The following ADAM10 variants were observed in gnomAD, a reference collection of about 807,000 sequenced individuals.
The protein encoded by ADAM10 is disintegrin and metalloproteinase domain-containing protein 10.
In ADAM10, 17 loss-of-function variants were observed where a neutral mutation model predicts 90.1. That is an observed-to-expected ratio of 0.19 (90% CI 0.13 to 0.28). ADAM10 has a LOEUF of 0.28. Ranked by LOEUF, ADAM10 falls within the 10% of genes least tolerant of loss-of-function variation. The pLI is 1.00. For missense variants in ADAM10, 610 were observed against 914.3 expected (o/e 0.67, Z 4.29); for synonymous variants, 310 against 298.6 (o/e 1.04, Z -0.40).
intron 8 of ADAM10, among the ~76,000 whole-genome samples, chr15:58,636,917 C>T (rs916278600): frequency 3.9e-5 from 6 of 152,150 alleles, no homozygotes; most frequent in African/African-American, 1.4e-4. Flanking sequence ...AATGTGAGAG[C>T]ACAGGCATTT....
At chr15:58,651,714 C>T (rs1354175879) in intron 5 of ADAM10, among the ~76,000 whole-genome samples, 1 of 152,150 alleles carries the variant, frequency 6.6e-6, no homozygotes, top group Non-Finnish European at 1.5e-5. Context: ...AGTGCAGCAA[C>T]AAACATGGGA....
chr15:58,647,248 A>ATTTCTTTCTTTTTTTTTTTT (rs1162350060), intron 5 of ADAM10, among the ~76,000 whole-genome samples: 1 of 59,602 alleles, frequency 1.7e-5, no homozygotes, highest in African/African-American at 5.4e-5. Context: ...GACACTAAGT[A>ATTTCTTTCTTTTTTTTTTTT]TTTTTTTTTT....
In ADAM10 at chr15:58,604,543, C is replaced by T. The variant is rs533762822; in HGVS notation, c.2026-4819G>A. On this transcript the variant is annotated intron_variant, in intron 14 of 15. Transcript: ENST00000260408. ...TTATATCCTATTACCTCAGTACCTACCCAACAAACAAAATACCTGTTGAAC... is the reference window on the plus strand; with the variant it reads ...TTATATCCTATTACCTCAGTACCTATCCAACAAACAAAATACCTGTTGAAC... Among the ~76,000 whole-genome samples, 477 of 152,228 alleles carry T rather than the reference C, an allele frequency of 3.1e-3. 1 individual carries two copies. Among genetic ancestry groups the T allele is most frequent in the Non-Finnish European group, 5.3e-3 (362 of 68,014 alleles).
chr15:58,730,003 CA>C (rs71844307), intron 1 of ADAM10, among the ~76,000 whole-genome samples: 8,566 of 106,422 alleles, frequency 0.08, 497 homozygotes, highest in African/African-American at 0.14. Flanking sequence ...AACAAACAAA[CA>C]AAAAAAAAAA....
At chr15:58,606,496 T>C (rs1895277993) in intron 14 of ADAM10, among the ~76,000 whole-genome samples, 1 of 152,238 alleles carries the variant, frequency 6.6e-6, no homozygotes, top group Non-Finnish European at 1.5e-5. Context: ...ATCTAGCAAA[T>C]GTATACTGTG....
intron 10 of ADAM10, 148 bp from the exon 11 acceptor site, chr15:58,621,769 G>T: frequency 1.0e-6 from 1 of 1,002,324 alleles, no homozygotes; most frequent in Non-Finnish European, 1.5e-6. Context: ...GAAATTACGA[G>T]ACCTAATTCT....
At chr15:58,721,173 C>T (rs573452818) in intron 1 of ADAM10, among the ~76,000 whole-genome samples, 6 of 152,304 alleles carry the variant, frequency 3.9e-5, no homozygotes, top group African/African-American at 1.2e-4. Context: ...ACAAAGTCAT[C>T]TTTTCTCTGT....
intron 2 of ADAM10, among the ~76,000 whole-genome samples, chr15:58,701,939 C>G (rs1189554488): frequency 1.3e-5 from 2 of 152,028 alleles, no homozygotes; most frequent in African/African-American, 4.8e-5. Flanking sequence ...AACCCCATCT[C>G]TACCAAAAAT....
intron 2 of ADAM10, among the ~76,000 whole-genome samples, chr15:58,689,214 G>A (rs780694726): frequency 4.6e-5 from 7 of 152,176 alleles, no homozygotes; most frequent in Non-Finnish European, 1.0e-4. Context: ...GGCCGGGCGT[G>A]GTGGCTCACG....
At chr15:58,605,071 A>G (rs1321501777) in intron 14 of ADAM10, among the ~76,000 whole-genome samples, 5 of 152,214 alleles carry the variant, frequency 3.3e-5, no homozygotes, top group African/African-American at 1.2e-4. Flanking sequence ...ATACGAGTAC[A>G]CGCTATGGCA....
rs1164086189 is a variant in ADAM10, at chr15:58,650,011, C to T, written c.586-3807G>A. ...GTTTGCTCTATTTTCTTATACTATC[C>T]AAATCTAAATCCATCAAATTCCTAA... On this transcript the variant is annotated intron_variant, in intron 5 of 15. Transcript: ENST00000260408. Among the ~76,000 whole-genome samples the T allele has an allele frequency of 3.3e-5, 5 of 152,044 alleles. No individual in the cohort carries two copies. In the East Asian group the frequency reaches 9.6e-4, roughly 29 times the overall value.
intron 11 of ADAM10, among the ~76,000 whole-genome samples, chr15:58,621,123 T>C (rs368755595): frequency 6.6e-6 from 1 of 150,710 alleles, no homozygotes; most frequent in East Asian, 2.0e-4. Flanking sequence ...ATTAGCTGGG[T>C]GTGGTAGCAC....
intron 14 of ADAM10, among the ~76,000 whole-genome samples, chr15:58,600,083 T>C (rs1429568508): frequency 1.3e-5 from 2 of 151,416 alleles, no homozygotes; most frequent in Non-Finnish European, 2.9e-5. Context: ...TATTAAATAT[T>C]TTCTGGTTTA....
Position 58,633,390 on chromosome 15 carries a change from G to GT in ADAM10, c.1013-32dup, listed in dbSNP as rs199936329. 2.2e-3 allele frequency: 3,510 copies of GT among 1,597,806 alleles called. 58 individuals are homozygous for GT. The African/African-American group carries it at 0.037, about 17-fold the overall frequency. ...CCAGAACAAAAAAATGGCTAAATTA[G>GT]TATCTGTTTCCCCTTACCCCCAAAA... On this transcript the variant is annotated intron_variant, in intron 8 of 15. Transcript: ENST00000260408.
intron 14 of ADAM10, chr15:58,609,593 A>T (rs1895380266): frequency 6.5e-6 from 1 of 153,570 alleles, no homozygotes; most frequent in Non-Finnish European, 1.4e-5. Context: ...TTTCCAAAGC[A>T]AACTACATTC....
intron 2 of ADAM10, among the ~76,000 whole-genome samples, chr15:58,715,046 T>A (rs1324420949): frequency 6.6e-6 from 1 of 152,114 alleles, no homozygotes; most frequent in African/African-American, 2.4e-5. Context: ...ATTGGGAAAA[T>A]AAACTAAAAT....
chr15:58,723,031 CA>C (rs1898909922), intron 1 of ADAM10, among the ~76,000 whole-genome samples: 1 of 151,468 alleles, frequency 6.6e-6, no homozygotes, highest in Admixed American at 6.6e-5. Flanking sequence ...CATACCCAGC[CA>C]AATCAGAGGA....
chr15:58,691,391 T>G (rs776456464), intron 2 of ADAM10: 2 of 776,554 alleles, frequency 2.6e-6, no homozygotes, highest in East Asian at 5.2e-5. Context: ...TCTTCCACTC[T>G]TGCTCCACAA....
intron 11 of ADAM10, among the ~76,000 whole-genome samples, chr15:58,618,697 G>A (rs542691036): frequency 3.9e-5 from 6 of 152,092 alleles, no homozygotes; most frequent in African/African-American, 1.2e-4. Flanking sequence ...GTAGACAAAT[G>A]ACCTAAATAA....
Sources: allele counts gnomAD v4.1 joint callset (sites outside exome capture counted in the v4.1 genomes callset), GRCh38; gene constraint gnomAD v4.1.1; transcripts MANE v1.5; gene names NCBI Gene and HGNC (gene_info 2026-07-23, HGNC 2026-07-21).